The following MEMO1 variants were observed in gnomAD, a reference collection of about 807,000 sequenced individuals.
MEMO1 encodes the protein mediator of cell motility 1.
Under a neutral mutation model 45.2 loss-of-function variants are expected in MEMO1, and 6 were observed. That is an observed-to-expected ratio of 0.13 (90% CI 0.07 to 0.26). The LOEUF (loss-of-function observed/expected upper bound fraction) is 0.26, where lower values mean the gene tolerates loss of function less well. Ranked by LOEUF, MEMO1 falls within the 10% of genes least tolerant of loss-of-function variation. MEMO1 has a pLI of 1.00. For missense variants in MEMO1, 184 were observed against 370.5 expected (o/e 0.50, Z 4.13); for synonymous variants, 78 against 124.3 (o/e 0.63, Z 2.48).
At chr2:31,933,348 A>AAAAAAAAATATATAT (rs1558514269) in intron 3 of MEMO1, among the ~76,000 whole-genome samples, 1 of 16,186 alleles carries the variant, frequency 6.2e-5, no homozygotes, top group Non-Finnish European at 1.0e-4. Flanking sequence ...AAAAAAAAAA[A>AAAAAAAAATATATAT]ATTTATATAT....
intron 2 of MEMO1, among the ~76,000 whole-genome samples, chr2:32,005,604 T>C (rs1673967481): frequency 6.6e-6 from 1 of 152,086 alleles, no homozygotes; most frequent in Non-Finnish European, 1.5e-5. Context: ...AATCCCTTCC[T>C]ACCACCAAGA....
At chr2:31,901,948 T>C (rs886931160) in intron 6 of MEMO1, among the ~76,000 whole-genome samples, 1 of 150,900 alleles carries the variant, frequency 6.6e-6, no homozygotes, top group African/African-American at 2.4e-5. Flanking sequence ...GTGAGAATAT[T>C]TACACAACTC....
chr2:31,885,620 C>T (rs1309493061), intron 7 of MEMO1, among the ~76,000 whole-genome samples: 1 of 152,218 alleles, frequency 6.6e-6, no homozygotes, highest in East Asian at 1.9e-4. Context: ...CTCACTCTCA[C>T]TATAAGAACA....
chr2:31,887,187 G>T (rs1054561411), intron 7 of MEMO1, among the ~76,000 whole-genome samples: 7 of 152,278 alleles, frequency 4.6e-5, no homozygotes, highest in South Asian at 2.1e-4. Context: ...CTCCAGGGAT[G>T]TCTGTTTAAC....
intron 2 of MEMO1, among the ~76,000 whole-genome samples, chr2:32,002,028 C>T (rs746560512): frequency 3.3e-5 from 5 of 150,826 alleles, no homozygotes; most frequent in Admixed American, 6.6e-5. Flanking sequence ...TGCCTGTAGA[C>T]CCAGCTACTT....
chr2:31,920,258 G>A (rs1294717453), intron 5 of MEMO1, among the ~76,000 whole-genome samples: 1 of 151,374 alleles, frequency 6.6e-6, no homozygotes, highest in Non-Finnish European at 1.5e-5. Flanking sequence ...ACGTGACTCT[G>A]GACGCCTATG....
intron 2 of MEMO1, among the ~76,000 whole-genome samples, chr2:31,981,690 A>AGT (rs1670656981): frequency 6.6e-6 from 1 of 152,216 alleles, no homozygotes; most frequent in Admixed American, 6.5e-5. Flanking sequence ...TTCAAGACTT[A>AGT]ACTTCACTCA....
At chr2:31,872,016 A>AAAACACACAC (rs1673841318) in intron 8 of MEMO1, among the ~76,000 whole-genome samples, 1 of 143,218 alleles carries the variant, frequency 7.0e-6, no homozygotes, top group Admixed American at 7.0e-5. Context: ...TCTGTCTCAA[A>AAAACACACAC]ACACACACAC....
At chr2:31,930,811 A>ATTTTTTTTTTTTTTT (rs376524077) in intron 4 of MEMO1, among the ~76,000 whole-genome samples, 7 of 126,084 alleles carry the variant, frequency 5.6e-5, no homozygotes, top group African/African-American at 2.2e-4. Context: ...ACGCCTGGCA[A>ATTTTTTTTTTTTTTT]TTTTTTTTTT....
At chr2:31,959,595 T>C (rs1351682021) in intron 2 of MEMO1, among the ~76,000 whole-genome samples, 2 of 151,854 alleles carry the variant, frequency 1.3e-5, no homozygotes, top group Non-Finnish European at 2.9e-5. Context: ...AAAAGTTGCA[T>C]TTACAAGTAG....
intron 7 of MEMO1, among the ~76,000 whole-genome samples, chr2:31,883,898 CG>C (rs200388491): frequency 7.5e-5 from 11 of 146,386 alleles, no homozygotes; most frequent in Middle Eastern, 3.4e-3. Context: ...ATCTCTATTA[CG>C]GGGGAAAAAA....
chr2:32,010,285 TGAG>T (rs1161523526), intron 1 of MEMO1, 21 bp from the exon 2 acceptor site: 28 of 1,365,350 alleles, frequency 2.1e-5, no homozygotes, highest in Non-Finnish European at 2.7e-5. Flanking sequence ...CGAGGATGAA[TGAG>T]GAGGCGGCGG....
intron 6 of MEMO1, among the ~76,000 whole-genome samples, chr2:31,908,375 C>A (rs1311865274): frequency 6.6e-6 from 1 of 151,364 alleles, no homozygotes. Flanking sequence ...GTAAAAAAAA[C>A]AATGAAAGAG....
intron 2 of MEMO1, among the ~76,000 whole-genome samples, chr2:31,968,099 G>C (rs1373550383): frequency 2.0e-5 from 3 of 152,156 alleles, no homozygotes; most frequent in Admixed American, 2.0e-4. Context: ...TGTAGGTCAA[G>C]AGCCAAATAG....
chr2:31,998,729 G>A (rs970601928), intron 2 of MEMO1, among the ~76,000 whole-genome samples: 1 of 152,018 alleles, frequency 6.6e-6, no homozygotes. Flanking sequence ...GAACCCAGGA[G>A]GCGGACATTG....
intron 2 of MEMO1, among the ~76,000 whole-genome samples, chr2:32,009,311 GC>G (rs1386757556): frequency 6.6e-6 from 1 of 152,156 alleles, no homozygotes; most frequent in African/African-American, 2.4e-5. Flanking sequence ...ATATCCAGCT[GC>G]CCCTTTCGTG....
At chr2:31,910,474 A>G (rs1275011280) in intron 6 of MEMO1, among the ~76,000 whole-genome samples, 2 of 152,244 alleles carry the variant, frequency 1.3e-5, no homozygotes, top group Non-Finnish European at 2.9e-5. Flanking sequence ...GATAAGTGAA[A>G]CAAATGACAG....
chr2:31,901,777 C>T (rs574056127), intron 6 of MEMO1, among the ~76,000 whole-genome samples: 12 of 151,774 alleles, frequency 7.9e-5, no homozygotes, highest in African/African-American at 2.9e-4. Flanking sequence ...GGCGTGGTGG[C>T]GTGCACCTGT....
chr2:31,943,455 C>T lies in MEMO1; in HGVS notation c.62-72G>A, dbSNP rs183115349. ...ACAGATAAACATATGTGGCATAAAG[C>T]CCTCACTGAACTTATGTGGGACTAA... is the stretch of plus-strand genomic sequence containing the variant. On this transcript the variant is annotated intron_variant, in intron 2 of 9. Coordinates refer to ENST00000404530, the MANE Select transcript of MEMO1 (RefSeq NM_001301833.4). The T allele has an allele frequency of 3.6e-6, 4 of 1,105,662 alleles. No homozygotes were observed. In the African/African-American group the frequency reaches 6.2e-5, roughly 17 times the overall value. The allele number at this position is 1,105,662 out of a possible 1,614,324, so 68.5% of individuals were successfully genotyped here. A position where few individuals can be genotyped will look rare whatever the true frequency, so the allele number is the denominator to read the frequency against.
Sources: gnomAD v4.1 joint callset for allele counts (sites outside exome capture counted in the v4.1 genomes callset) on GRCh38, gnomAD v4.1.1 for gene constraint, MANE v1.5 for transcripts, NCBI Gene and HGNC (gene_info 2026-07-23, HGNC 2026-07-21) for gene names.